KNTC1: variants seen among roughly 807,000 people sequenced by gnomAD.
The protein encoded by KNTC1 is kinetochore-associated protein 1.
In KNTC1, 253 loss-of-function variants were observed where a neutral mutation model predicts 314.4. The observed-to-expected ratio is 0.80, with a 90% CI of 0.73 to 0.89. The LOEUF is 0.89. Ranked by LOEUF, KNTC1 falls within the 40% of genes least tolerant of loss-of-function variation. KNTC1 has a pLI of 0.00. For missense variants in KNTC1, 2,475 were observed against 2,572.9 expected, an observed-to-expected ratio of 0.96 and a Z score of 0.82; for synonymous variants, 901 against 901.4, an observed-to-expected ratio of 1.00 and a Z score of 0.01.
chr12:122,557,239 G>A (rs553895485), intron 16 of KNTC1, 145 bp from the exon 17 acceptor site: 5 of 722,680 alleles, frequency 6.9e-6, no homozygotes, highest in Non-Finnish European at 1.1e-5. Context: ...ATATCTGAAT[G>A]TTACTTTCTT....
chr12:122,535,852 A>T (rs1054782237), intron 3 of KNTC1, among the ~76,000 whole-genome samples: 1 of 151,624 alleles, frequency 6.6e-6, no homozygotes, highest in Non-Finnish European at 1.5e-5. Flanking sequence ...GGGGTAAGTC[A>T]GTGATTGTAC....
intron 33 of KNTC1, among the ~76,000 whole-genome samples, chr12:122,580,970 G>C (rs1965384762): frequency 6.7e-6 from 1 of 150,318 alleles, no homozygotes; most frequent in Non-Finnish European, 1.5e-5. Context: ...GGAGGTTGCA[G>C]TGAGCTGAGA....
chr12:122,549,164 TGCCTCA>T (rs1272608695), intron 12 of KNTC1, among the ~76,000 whole-genome samples: 1 of 152,006 alleles, frequency 6.6e-6, no homozygotes. Context: ...CAAGCAATTC[TGCCTCA>T]GCCTCCCAAG....
chr12:122,570,827 T>C lies in KNTC1; in HGVS notation c.1861-49T>C, dbSNP rs377097849. On this transcript the variant is annotated intron_variant, in intron 22 of 63. Coordinates refer to ENST00000333479, the MANE Select transcript of KNTC1 (RefSeq NM_014708.6). ...AAGAAATCGTGGAGGTTTTTAGTTATGTCAGTGATTATCCATTAAGAATTT... is the reference window on the plus strand; with the variant it reads ...AAGAAATCGTGGAGGTTTTTAGTTACGTCAGTGATTATCCATTAAGAATTT... The C allele has an allele frequency of 3.2e-4, 367 of 1,137,410 alleles. 2 individuals are homozygous for C. Among genetic ancestry groups the C allele is most frequent in the Non-Finnish European group, 4.5e-4 (354 of 783,832 alleles). The allele number at this position is 1,137,410 out of a possible 1,614,324, so 70.5% of individuals were successfully genotyped here. A position where few individuals can be genotyped will look rare whatever the true frequency, so the allele number is the denominator to read the frequency against.
At position 122,618,388 on chromosome 12, in the gene KNTC1, C is replaced by A. The variant is rs753104607; in HGVS notation, c.6076C>A (p.Leu2026Met). The change falls in exon 58 of 64, where the codon CTG becomes ATG. Residue 2026 changes from leucine to methionine, a missense_variant. Physicochemically the swap from Leu to Met is conservative, Grantham distance 15. Coordinates refer to ENST00000333479, the MANE Select transcript of KNTC1 (RefSeq NM_014708.6). Reference sequence around the variant, plus strand: ...GTGGCAGCGTGTGATACAGATACCACTGCTTTCAGGTATTTCGCTCTCTGA... The same window carrying A: ...GTGGCAGCGTGTGATACAGATACCAATGCTTTCAGGTATTTCGCTCTCTGA... Reference protein sequence around the residue: ...KAWQRVIQIPLLSASCPLSPD... With the variant: ...KAWQRVIQIPMLSASCPLSPD... 1.2e-6 allele frequency: 2 copies of A among 1,613,702 alleles called. No individual in the cohort carries two copies. Among genetic ancestry groups the A allele is most frequent in the East Asian group, 4.5e-5 (2 of 44,888 alleles).
chr12:122,622,691 G>C, intron 62 of KNTC1, 84 bp downstream of exon 62: 1 of 1,146,260 alleles, frequency 8.7e-7, no homozygotes, highest in Non-Finnish European at 1.2e-6. Flanking sequence ...GCTCACGACT[G>C]TAATCCTAGC....
At chr12:122,547,629 C>A in intron 11 of KNTC1, 99 bp downstream of exon 11, 2 of 814,398 alleles carry the variant, frequency 2.5e-6, no homozygotes, top group Non-Finnish European at 4.0e-6. Context: ...ACATTCTAAA[C>A]AACACTGTGA....
intron 24 of KNTC1, among the ~76,000 whole-genome samples, chr12:122,571,770 A>G (rs372152899): frequency 1.3e-5 from 2 of 151,868 alleles, no homozygotes; most frequent in African/African-American, 4.8e-5. Context: ...CCCAGGTTCA[A>G]GCAATTCTCC....
chr12:122,597,801 G>A lies in KNTC1; in HGVS notation c.4426G>A (p.Gly1476Ser), dbSNP rs200836404. 99 of 1,613,836 alleles carry A rather than the reference G, an allele frequency of 6.1e-5. 1 individual carries two copies. In the African/African-American group the frequency reaches 7.6e-4, roughly 12 times the overall value. ...AACGCTGCTCCACAACACAAATGCC[G>A]GCCAAGGCCAGGGAGATGCAAGCAT... ...IETLLHNTNAGQGQGDASMDS... is the reference protein window; with the variant it reads ...IETLLHNTNASQGQGDASMDS... Residue 1476 changes from glycine to serine, a missense_variant, in exon 44 of 64, where the codon GGC becomes AGC. Physicochemically the swap from Gly to Ser is moderately conservative, Grantham distance 56 (BLOSUM62 0). Coordinates refer to ENST00000333479, the MANE Select transcript of KNTC1 (RefSeq NM_014708.6).
intron 22 of KNTC1, 92 bp downstream of exon 22, chr12:122,569,916 C>A: frequency 8.9e-7 from 1 of 1,124,122 alleles, no homozygotes; most frequent in Non-Finnish European, 1.3e-6. Flanking sequence ...CACCAGTTAA[C>A]ACCAGTTAGT....
intron 60 of KNTC1, among the ~76,000 whole-genome samples, chr12:122,621,578 G>C (rs982569706): frequency 6.6e-6 from 1 of 152,180 alleles, no homozygotes; most frequent in Non-Finnish European, 1.5e-5. Context: ...GAGGCAATCC[G>C]CTGGCCTTGG....
In KNTC1 at chr12:122,538,414, A is replaced by G. The variant is rs1429754355; in HGVS notation, c.326A>G (p.His109Arg). ...LLVGERSGNL[H>R]LIHVTSKQTL... Reference sequence around the variant, plus strand: ...GTTGGCGAGAGAAGTGGCAACCTACATCTTATTCATGTAACATCAAAACAA... The same window carrying G: ...GTTGGCGAGAGAAGTGGCAACCTACGTCTTATTCATGTAACATCAAAACAA... The change falls in exon 4 of 64, where the codon CAT becomes CGT. Residue 109 changes from histidine (H) to arginine (R), a missense_variant. Physicochemically the swap from His to Arg is conservative, Grantham distance 29 (BLOSUM62 0). Transcript: ENST00000333479. 1.2e-6 allele frequency: 2 copies of G among 1,603,280 alleles called. No homozygotes were observed. The highest frequency in any genetic ancestry group is 1.3e-5 in the African/African-American group (1 of 74,774).
intron 2 of KNTC1, among the ~76,000 whole-genome samples, chr12:122,533,454 G>T (rs1377882600): frequency 6.6e-6 from 1 of 152,156 alleles, no homozygotes; most frequent in East Asian, 1.9e-4. Context: ...CGGCACTTTG[G>T]GTGGTTGGGA....
chr12:122,575,553 A>G lies in KNTC1; in HGVS notation c.2393A>G (p.Asp798Gly), dbSNP rs199954329. Reference protein sequence around the residue: ...ACLSDTDLIFDAVLKIMYAAV... With the variant: ...ACLSDTDLIFGAVLKIMYAAV... ...GTGCATCTTTTGTAGCTCATATTTGATGCCGTGCTCAAGATCATGTATGCG... is the reference window on the plus strand; with the variant it reads ...GTGCATCTTTTGTAGCTCATATTTGGTGCCGTGCTCAAGATCATGTATGCG... Residue 798 changes from aspartate (D) to glycine (G), a missense_variant, in exon 28 of 64, where the codon GAT (aspartate) becomes GGT (glycine). Physicochemically the swap from Asp to Gly is moderately conservative, Grantham distance 94. Transcript: ENST00000333479. 8.5e-5 allele frequency: 135 copies of G among 1,587,954 alleles called. No individual in the cohort carries two copies. The highest frequency in any genetic ancestry group is 1.1e-4 in the Non-Finnish European group (130 of 1,166,456).
chr12:122,598,421 C>CTTGTT (rs1871349898), intron 44 of KNTC1, among the ~76,000 whole-genome samples: 1 of 124,284 alleles, frequency 8.0e-6, no homozygotes, highest in Non-Finnish European at 1.6e-5. Context: ...TTTTTCTTTT[C>CTTGTT]TTTTTTTTTT....
At chr12:122,529,191 G>A (rs1186752515) in intron 1 of KNTC1, among the ~76,000 whole-genome samples, 1 of 152,136 alleles carries the variant, frequency 6.6e-6, no homozygotes, top group Non-Finnish European at 1.5e-5. Flanking sequence ...GGAACAGAAA[G>A]ATTAAGTGAT....
At chr12:122,609,533 A>G in intron 52 of KNTC1, 103 bp downstream of exon 52, 2 of 735,104 alleles carry the variant, frequency 2.7e-6, no homozygotes, top group South Asian at 3.6e-5. Flanking sequence ...CTTTCTTGAT[A>G]AAACTCAGGT....
At chr12:122,556,076 G>A (rs991418762) in intron 16 of KNTC1, among the ~76,000 whole-genome samples, 5 of 151,658 alleles carry the variant, frequency 3.3e-5, no homozygotes, top group Admixed American at 6.6e-5. Context: ...GCAGTGGCGC[G>A]ATTTTGGCTC....
intron 20 of KNTC1, chr12:122,563,767 G>T: frequency 8.3e-6 from 12 of 1,452,302 alleles, no homozygotes; most frequent in Non-Finnish European, 9.1e-6. Context: ...TTCTTGTAAC[G>T]CCAGTCGTGC....
Sources: gnomAD v4.1 joint callset for allele counts (sites outside exome capture counted in the v4.1 genomes callset) on GRCh38, gnomAD v4.1.1 for gene constraint, MANE v1.5 for transcripts, NCBI Gene and HGNC (gene_info 2026-07-23, HGNC 2026-07-21) for gene names.